CD86: variants seen among roughly 807,000 people sequenced by gnomAD.
The protein encoded by CD86 is T-lymphocyte activation antigen CD86.
A neutral mutation model predicts 32.1 loss-of-function variants in CD86; 11 were observed. That is an observed-to-expected ratio of 0.34 (90% confidence interval 0.22 to 0.57). The LOEUF is 0.57. CD86 is among the 20% of genes least tolerant of loss of function. The pLI, the probability that CD86 is intolerant of heterozygous loss-of-function variation, is 0.86. For synonymous variants in CD86, 137 were observed against 135.3 expected (o/e 1.01, Z -0.09); for missense variants, 359 against 398.4 (o/e 0.90, Z 0.84).
chr3:122,114,141 C>T (rs2073215492), intron 5 of CD86, among the ~76,000 whole-genome samples: 1 of 151,742 alleles, frequency 6.6e-6, no homozygotes, highest in Admixed American at 6.6e-5. Flanking sequence ...ATCCCAGCTA[C>T]TTGGGAGGCT....
chr3:122,110,483 A>G (rs1438121989), intron 5 of CD86, among the ~76,000 whole-genome samples: 1 of 152,216 alleles, frequency 6.6e-6, no homozygotes, highest in African/African-American at 2.4e-5. Flanking sequence ...GGTAGAAAGC[A>G]CAAGATGAGT....
intron 1 of CD86, among the ~76,000 whole-genome samples, chr3:122,071,827 T>C (rs926743002): frequency 6.6e-6 from 1 of 151,388 alleles, no homozygotes; most frequent in Non-Finnish European, 1.5e-5. Flanking sequence ...CTGCACCCAT[T>C]AACTCATCAT....
chr3:122,105,386 C>T (rs561967908), intron 3 of CD86, among the ~76,000 whole-genome samples: 23 of 152,232 alleles, frequency 1.5e-4, no homozygotes, highest in African/African-American at 4.1e-4. Context: ...ATGCAAATGA[C>T]AGACCTTTTA....
intron 1 of CD86, among the ~76,000 whole-genome samples, chr3:122,084,536 C>A (rs988836859): frequency 6.6e-6 from 1 of 152,164 alleles, no homozygotes. Flanking sequence ...AGTTTGCTGA[C>A]CCCTGATCTA....
At chr3:122,073,430 A>G (rs2072516658) in intron 1 of CD86, among the ~76,000 whole-genome samples, 1 of 152,026 alleles carries the variant, frequency 6.6e-6, no homozygotes, top group Non-Finnish European at 1.5e-5. Flanking sequence ...CCTTTATCAG[A>G]TATATCTTTT....
intron 4 of CD86, among the ~76,000 whole-genome samples, chr3:122,107,210 T>C (rs967882373): frequency 3.3e-5 from 5 of 152,136 alleles, no homozygotes; most frequent in African/African-American, 1.2e-4. Flanking sequence ...AAATAAATTA[T>C]TGGGGTTAAT....
At chr3:122,070,354 C>T (rs542318112) in intron 1 of CD86, among the ~76,000 whole-genome samples, 1 of 152,194 alleles carries the variant, frequency 6.6e-6, no homozygotes, top group Non-Finnish European at 1.5e-5. Flanking sequence ...TTCCCCAGGG[C>T]AGCTAGGGAG....
chr3:122,091,747 T>C, intron 2 of CD86, 97 bp downstream of exon 2: 1 of 970,168 alleles, frequency 1.0e-6, no homozygotes. Flanking sequence ...TGGGTTTTAC[T>C]CACTTTCTAC....
At chr3:122,115,609 G>A (rs374846011) in intron 5 of CD86, among the ~76,000 whole-genome samples, 3 of 151,704 alleles carry the variant, frequency 2.0e-5, no homozygotes, top group East Asian at 1.9e-4. Flanking sequence ...GCATGGTGGC[G>A]CATGCCTGTA....
chr3:122,091,412 C>G (rs2072817262), intron 1 of CD86, among the ~76,000 whole-genome samples, 189 bp from the exon 2 acceptor site: 1 of 152,074 alleles, frequency 6.6e-6, no homozygotes, highest in South Asian at 2.1e-4. Flanking sequence ...GCAGGGGAGG[C>G]TGGGAAATGT....
chr3:122,103,607 G>T lies in CD86; in HGVS notation c.160G>T (p.Val54Leu). The T allele has an allele frequency of 6.2e-7, 1 of 1,613,980 alleles. No homozygotes were observed. Among genetic ancestry groups the T allele is most frequent in the Non-Finnish European group, 8.5e-7 (1 of 1,179,880 alleles). Residue 54 changes from valine to leucine, a missense_variant, in exon 3 of 7, where the codon GTA (valine) becomes TTA (leucine). By Grantham distance (32) the Val-to-Leu change is conservative. Transcript: ENST00000330540. ...TCAAAACCAAAGCCTGAGTGAGCTA[G>T]TAGTATTTTGGCAGGACCAGGAAAA... ...NSQNQSLSELVVFWQDQENLV... is the reference protein window; with the variant it reads ...NSQNQSLSELLVFWQDQENLV...
At chr3:122,083,378 G>A (rs1423140772) in intron 1 of CD86, among the ~76,000 whole-genome samples, 4 of 152,052 alleles carry the variant, frequency 2.6e-5, no homozygotes, top group Non-Finnish European at 1.5e-5. Flanking sequence ...TGGCCACAGG[G>A]ACCTCCTCGT....
chr3:122,103,998 C>A, intron 3 of CD86, 151 bp downstream of exon 3: 1 of 632,912 alleles, frequency 1.6e-6, no homozygotes, highest in Non-Finnish European at 2.8e-6. Context: ...CTGGGAAGTG[C>A]ATTTGAAGGG....
At chr3:122,081,017 T>C (rs1457306631) in intron 1 of CD86, among the ~76,000 whole-genome samples, 1 of 152,226 alleles carries the variant, frequency 6.6e-6, no homozygotes, top group Non-Finnish European at 1.5e-5. Flanking sequence ...CGTCACCTCT[T>C]GACAGGCTTA....
At chr3:122,069,881 C>G (rs1464833606) in intron 1 of CD86, among the ~76,000 whole-genome samples, 1 of 152,204 alleles carries the variant, frequency 6.6e-6, no homozygotes, top group Non-Finnish European at 1.5e-5. Flanking sequence ...CTATCCTGAG[C>G]TCTGTCCATC....
chr3:122,112,315 AT>A (rs543090391), intron 5 of CD86, among the ~76,000 whole-genome samples: 8 of 149,430 alleles, frequency 5.4e-5, no homozygotes, highest in South Asian at 4.3e-4. Context: ...TTTTTTTTTA[AT>A]TTTTTTTTTG....
At chr3:122,068,070 G>A (rs1024805713) in intron 1 of CD86, among the ~76,000 whole-genome samples, 5 of 151,842 alleles carry the variant, frequency 3.3e-5, no homozygotes, top group Admixed American at 2.0e-4. Context: ...GCAGTGCCCC[G>A]TCCCCAGCTC....
intron 1 of CD86, among the ~76,000 whole-genome samples, chr3:122,065,600 C>T (rs1248949052): frequency 2.0e-5 from 3 of 152,152 alleles, no homozygotes; most frequent in Non-Finnish European, 2.9e-5. Context: ...TCCTATGCAA[C>T]CTGCCTGCCT....
intron 1 of CD86, among the ~76,000 whole-genome samples, chr3:122,070,800 A>T (rs532628362): frequency 1.3e-5 from 2 of 152,324 alleles, no homozygotes; most frequent in African/African-American, 2.4e-5. Context: ...TATAGCATTG[A>T]TTCCAAGGGT....
Sources: gnomAD v4.1 joint callset for allele counts (sites outside exome capture counted in the v4.1 genomes callset) on GRCh38, gnomAD v4.1.1 for gene constraint, MANE v1.5 for transcripts, NCBI Gene and HGNC (gene_info 2026-07-23, HGNC 2026-07-21) for gene names.